The following EYS variants were observed in gnomAD, a reference collection of about 807,000 sequenced individuals.
EYS encodes the protein EGF-like photoreceptor maintenance factor, also known as protein eyes shut homolog.
Under a neutral mutation model 282.1 loss-of-function variants are expected in EYS, and 250 were observed. That is an observed-to-expected ratio of 0.89 (90% confidence interval 0.80 to 0.98). The LOEUF (loss-of-function observed/expected upper bound fraction) is 0.98. Ranked by LOEUF, EYS falls within the 50% of genes least tolerant of loss-of-function variation. EYS has a pLI of 0.00. For synonymous variants in EYS, 1,355 were observed against 1,282.9 expected (o/e 1.06, Z -1.20); for missense variants, 4,016 against 3,709.0 (o/e 1.08, Z -2.15).
At chr6:64,492,516 T>A (rs1007979593) in intron 26 of EYS, among the ~76,000 whole-genome samples, 1 of 151,156 alleles carries the variant, frequency 6.6e-6, no homozygotes, top group Non-Finnish European at 1.5e-5. Context: ...TTGTCTTGAA[T>A]GAGAGTGTCC....
intron 31 of EYS, among the ~76,000 whole-genome samples, chr6:64,116,918 T>C (rs761283006): frequency 5.3e-5 from 8 of 152,068 alleles, no homozygotes; most frequent in Non-Finnish European, 8.8e-5. Flanking sequence ...CACATAAATA[T>C]ATAAAGCAAA....
intron 33 of EYS, among the ~76,000 whole-genome samples, chr6:64,045,441 A>ATTTTATTTT (rs1770578630): frequency 9.3e-6 from 1 of 107,268 alleles, no homozygotes; most frequent in Non-Finnish European, 2.0e-5. Context: ...TATTTTATTT[A>ATTTTATTTT]TTTTATTTTA....
chr6:63,734,966 C>A (rs986264006), intron 41 of EYS, among the ~76,000 whole-genome samples: 24 of 152,010 alleles, frequency 1.6e-4, no homozygotes, highest in African/African-American at 5.3e-4. Context: ...TTGTCAAAAA[C>A]ACACAAAATA....
At chr6:65,188,346 T>C (rs1057078364) in intron 12 of EYS, among the ~76,000 whole-genome samples, 20 of 151,686 alleles carry the variant, frequency 1.3e-4, no homozygotes, top group African/African-American at 4.8e-4. Context: ...TACTAATGAA[T>C]ACAATGTTCA....
At chr6:64,313,872 A>G (rs952065908) in intron 29 of EYS, among the ~76,000 whole-genome samples, 1 of 152,154 alleles carries the variant, frequency 6.6e-6, no homozygotes, top group Non-Finnish European at 1.5e-5. Flanking sequence ...AGGAAGCACT[A>G]AACATGGAAA....
intron 8 of EYS, among the ~76,000 whole-genome samples, chr6:65,357,834 T>A (rs149925888): frequency 6.6e-6 from 1 of 151,844 alleles, no homozygotes; most frequent in South Asian, 2.1e-4. Flanking sequence ...TGGCGACTAA[T>A]GTAATGCTCA....
chr6:65,657,264 G>A (rs893551551), intron 1 of EYS, among the ~76,000 whole-genome samples: 2 of 151,874 alleles, frequency 1.3e-5, no homozygotes, highest in Admixed American at 1.3e-4. Flanking sequence ...GGATTGAGGA[G>A]TGATTTTTAC....
intron 18 of EYS, among the ~76,000 whole-genome samples, chr6:64,900,249 A>C (rs1422586758): frequency 1.3e-5 from 2 of 152,116 alleles, no homozygotes; most frequent in Non-Finnish European, 2.9e-5. Flanking sequence ...ATTAAAGATT[A>C]AAACGTAAGA....
chr6:64,436,222 T>C lies in EYS; in HGVS notation c.5879A>G (p.Asn1960Ser). 2 of 1,544,736 alleles carry C rather than the reference T, an allele frequency of 1.3e-6. No individual in the cohort carries two copies. Among genetic ancestry groups the C allele is most frequent in the Non-Finnish European group, 1.8e-6 (2 of 1,142,580 alleles). The part of the protein sequence containing the change: ...CPGEAKFKSI[N>S]TTVRVDNGQK... ...CCCGTTGTCCACTCTAACAGTAGTA[T>C]TAATGCTTTTAAATTTTGCTTCACC... The change falls in exon 28 of 43, where the codon AAT (asparagine) becomes AGT (serine). Residue 1960 changes from asparagine to serine, a missense_variant. Transcript: ENST00000503581.
At chr6:64,123,544 C>T (rs79415685) in intron 31 of EYS, among the ~76,000 whole-genome samples, 7,680 of 152,218 alleles carry the variant, frequency 0.05, 234 homozygotes, top group Non-Finnish European at 0.074. Context: ...TTGATCTGCA[C>T]CTTTTAGCAA....
intron 8 of EYS, among the ~76,000 whole-genome samples, chr6:65,374,941 G>A (rs1765304306): frequency 6.6e-6 from 1 of 152,124 alleles, no homozygotes; most frequent in Non-Finnish European, 1.5e-5. Flanking sequence ...GGGAAGGGCC[G>A]GCTGTGGTCG....
rs537078126 is a variant in EYS, at chr6:64,630,347, T to A, written c.3444-4102A>T. ...CTCCTGACCTCGTGATCCACCTGCC[T>A]CGGACTCCCAAAGTGCTGGGATTAC... On this transcript the variant is annotated intron_variant, in intron 22 of 42. Coordinates refer to ENST00000503581, the MANE Select transcript of EYS (RefSeq NM_001142800.2). 4.0e-4 allele frequency among the ~76,000 whole-genome samples: 61 copies of A among 152,282 alleles called. 1 individual carries two copies. The highest frequency in any genetic ancestry group is 7.2e-4 in the Admixed American group (11 of 15,288).
At chr6:64,715,743 G>T (rs1297137745) in intron 22 of EYS, among the ~76,000 whole-genome samples, 3 of 152,184 alleles carry the variant, frequency 2.0e-5, no homozygotes, top group Non-Finnish European at 4.4e-5. Context: ...CTCACTCATT[G>T]CCCTCATAAT....
At chr6:65,368,929 T>C (rs536733374) in intron 8 of EYS, among the ~76,000 whole-genome samples, 1 of 151,508 alleles carries the variant, frequency 6.6e-6, no homozygotes, top group Non-Finnish European at 1.5e-5. Context: ...AAATGGATCA[T>C]GATCGTATGG....
At chr6:65,383,399 T>C (rs1004675015) in intron 8 of EYS, among the ~76,000 whole-genome samples, 2 of 151,898 alleles carry the variant, frequency 1.3e-5, no homozygotes, top group African/African-American at 4.8e-5. Flanking sequence ...AGAAGCACTA[T>C]TGGTTTCTAA....
At chr6:64,357,282 C>G (rs1771854592) in intron 29 of EYS, among the ~76,000 whole-genome samples, 1 of 151,350 alleles carries the variant, frequency 6.6e-6, no homozygotes, top group African/African-American at 2.4e-5. Context: ...ATAAATACCA[C>G]ATAAAGTAAA....
rs572851393 is a variant in EYS at position 64,925,156 on chromosome 6, T to C, written c.2382-12413A>G. ...ATCATGGTGGGAGATGAAAGCCACT[T>C]CTTACATGGTAGTGGCAAGAGAATA... On this transcript the variant is annotated intron_variant, in intron 15 of 42. Coordinates refer to ENST00000503581, the MANE Select transcript of EYS (RefSeq NM_001142800.2). Among the ~76,000 whole-genome samples the C allele has an allele frequency of 2.0e-5, 3 of 152,258 alleles. No individual in the cohort carries two copies. In the South Asian group the frequency reaches 6.2e-4, roughly 32 times the overall value.
intron 31 of EYS, among the ~76,000 whole-genome samples, chr6:64,192,645 T>G (rs989225250): frequency 6.6e-6 from 1 of 152,144 alleles, no homozygotes; most frequent in Non-Finnish European, 1.5e-5. Flanking sequence ...AAGCTGAAAC[T>G]GGAACCCTTC....
intron 33 of EYS, among the ~76,000 whole-genome samples, chr6:64,050,905 A>G (rs1770788531): frequency 6.6e-6 from 1 of 152,214 alleles, no homozygotes; most frequent in Non-Finnish European, 1.5e-5. Flanking sequence ...TAAAATCACA[A>G]TCTGAATGAT....
Sources: gnomAD v4.1 joint callset for allele counts (sites outside exome capture counted in the v4.1 genomes callset) on GRCh38, gnomAD v4.1.1 for gene constraint, MANE v1.5 for transcripts, NCBI Gene and HGNC (gene_info 2026-07-23, HGNC 2026-07-21) for gene names.